The following SLCO4C1 variants were observed in gnomAD, a reference collection of about 807,000 sequenced individuals.
SLCO4C1 encodes solute carrier organic anion transporter family member 4C1.
A neutral mutation model predicts 72.1 loss-of-function variants in SLCO4C1; 58 were observed. The observed-to-expected ratio is 0.80, with a 90% CI of 0.65 to 1.00. The LOEUF is 1.00. Among genes scored for constraint, SLCO4C1 ranks in the 50% least tolerant of loss-of-function variants. The pLI, the probability that SLCO4C1 is intolerant of heterozygous loss-of-function variation, is 0.00. For missense variants in SLCO4C1, 898 were observed against 857.9 expected, an observed-to-expected ratio of 1.05 and a Z score of -0.58; for synonymous variants, 297 against 312.5, an observed-to-expected ratio of 0.95 and a Z score of 0.52.
rs765633464 is a variant in SLCO4C1, at chr5:102,261,889, G to A, written c.1021+23C>T. Reference sequence around the variant, plus strand: ...GCCTACAATTAAAATAAACCTCTCTGGTTTTAAAGAAAGCATGTTTACCTG... The same window carrying A: ...GCCTACAATTAAAATAAACCTCTCTAGTTTTAAAGAAAGCATGTTTACCTG... On this transcript the variant is annotated intron_variant, in intron 5 of 12. Coordinates refer to ENST00000310954, the MANE Select transcript of SLCO4C1 (RefSeq NM_180991.5). 14 of 1,598,774 alleles carry A rather than the reference G, an allele frequency of 8.8e-6. No homozygotes were observed. In the East Asian group the frequency reaches 2.2e-4, roughly 26 times the overall value.
intron 11 of SLCO4C1, 25 bp from the exon 12 acceptor site, chr5:102,239,413 A>G (rs1449305078): frequency 2.0e-6 from 3 of 1,506,146 alleles, no homozygotes; most frequent in Non-Finnish European, 2.7e-6. Flanking sequence ...GGTGAAATAT[A>G]CAACAGTAAA....
chr5:102,253,638 C>G (rs902874469), intron 8 of SLCO4C1, among the ~76,000 whole-genome samples: 6 of 151,964 alleles, frequency 3.9e-5, no homozygotes, highest in Admixed American at 2.0e-4. Flanking sequence ...GAAACCCTGT[C>G]TCTACTAAAA....
chr5:102,290,873 T>A (rs77730790), intron 2 of SLCO4C1, among the ~76,000 whole-genome samples: 3,203 of 152,340 alleles, frequency 0.021, 122 homozygotes, highest in African/African-American at 0.074. Flanking sequence ...TCTGAAGTTC[T>A]ATGTTTCTTA....
At chr5:102,245,592 G>T (rs910893598) in intron 10 of SLCO4C1, among the ~76,000 whole-genome samples, 2 of 152,128 alleles carry the variant, frequency 1.3e-5, no homozygotes, top group Non-Finnish European at 2.9e-5. Flanking sequence ...TACAATAATA[G>T]CTGGAGACTT....
chr5:102,253,635 T>C (rs1165549488), intron 8 of SLCO4C1, among the ~76,000 whole-genome samples: 5 of 151,918 alleles, frequency 3.3e-5, no homozygotes, highest in Non-Finnish European at 7.4e-5. Flanking sequence ...GGTGAAACCC[T>C]GTCTCTACTA....
rs1748984431 is a variant in SLCO4C1, at chr5:102,263,738, T to C, written c.845A>G (p.Tyr282Cys). Residue 282 changes from tyrosine (Y) to cysteine (C), a missense_variant, in exon 4 of 13, where the codon TAT (tyrosine) becomes TGT (cysteine). Physicochemically the swap from Tyr to Cys is radical, Grantham distance 194. Transcript: ENST00000310954. ...AMSILGPAIG[Y>C]VLGGQLLTIY... ...GGTTAGCAGTTGTCCTCCCAATACA[T>C]AGCCAATAGCAGGGCCTAAGATTGA... The C allele has an allele frequency of 3.1e-6, 5 of 1,612,900 alleles. No homozygotes were observed. The highest frequency in any genetic ancestry group is 2.2e-5 in the South Asian group (2 of 91,042).
chr5:102,262,506 T>C lies in SLCO4C1; in HGVS notation c.900-473A>G, dbSNP rs569682922. ...TTATTTCTTTGAAACAGGGTCTCAG[T>C]CTGTCACCCAGGCTGGGGTGCAATT... On this transcript the variant is annotated intron_variant, in intron 4 of 12. Transcript: ENST00000310954. Among the ~76,000 whole-genome samples the C allele has an allele frequency of 3.3e-5, 5 of 152,280 alleles. No homozygotes were observed. In the South Asian group the frequency reaches 1.0e-3, roughly 32 times the overall value.
At chr5:102,286,308 C>T (rs1347848471) in intron 2 of SLCO4C1, among the ~76,000 whole-genome samples, 1 of 152,090 alleles carries the variant, frequency 6.6e-6, no homozygotes, top group Admixed American at 6.6e-5. Flanking sequence ...GGCTAAGTAA[C>T]TACTTTTCTA....
chr5:102,266,964 C>T (rs1490933123), intron 3 of SLCO4C1, among the ~76,000 whole-genome samples: 2 of 152,122 alleles, frequency 1.3e-5, no homozygotes, highest in Non-Finnish European at 2.9e-5. Flanking sequence ...ATTCTTGCAT[C>T]ACTGAGATCA....
chr5:102,238,143 T>G (rs1748472940), intron 12 of SLCO4C1, among the ~76,000 whole-genome samples: 1 of 152,192 alleles, frequency 6.6e-6, no homozygotes, highest in South Asian at 2.1e-4. Flanking sequence ...TTACAACTTT[T>G]TTTATTTGTT....
At chr5:102,267,928 T>C (rs977430217) in intron 3 of SLCO4C1, among the ~76,000 whole-genome samples, 3 of 152,110 alleles carry the variant, frequency 2.0e-5, no homozygotes, top group Non-Finnish European at 2.9e-5. Flanking sequence ...TGATTTCTAG[T>C]TTTTTTTCAC....
At chr5:102,288,581 T>C (rs1041539639) in intron 2 of SLCO4C1, among the ~76,000 whole-genome samples, 2 of 152,146 alleles carry the variant, frequency 1.3e-5, no homozygotes, top group African/African-American at 4.8e-5. Flanking sequence ...TATAAAACTC[T>C]TCCACAACTT....
chr5:102,293,097 TAA>T (rs1053799501), intron 1 of SLCO4C1, among the ~76,000 whole-genome samples: 8 of 152,082 alleles, frequency 5.3e-5, no homozygotes, highest in African/African-American at 1.7e-4. Context: ...ACAAATTTAA[TAA>T]GTTTCAAAAC....
intron 9 of SLCO4C1, 99 bp downstream of exon 9, chr5:102,249,539 A>T: frequency 8.0e-7 from 1 of 1,256,512 alleles, no homozygotes; most frequent in East Asian, 2.4e-5. Flanking sequence ...GCAATGGAGC[A>T]GGAAGGCAAG....
intron 2 of SLCO4C1, among the ~76,000 whole-genome samples, chr5:102,289,981 T>C (rs1014957832): frequency 1.3e-5 from 2 of 152,218 alleles, no homozygotes; most frequent in Non-Finnish European, 2.9e-5. Context: ...TGGGAAAGAT[T>C]AATACTTTAA....
intron 2 of SLCO4C1, among the ~76,000 whole-genome samples, chr5:102,274,874 G>A (rs1341237401): frequency 7.9e-5 from 12 of 152,022 alleles, no homozygotes; most frequent in Admixed American, 2.0e-4. Flanking sequence ...GTTTATAGTT[G>A]ACCACCCCGA....
chr5:102,275,455 C>T (rs1278471382), intron 2 of SLCO4C1, among the ~76,000 whole-genome samples: 1 of 152,166 alleles, frequency 6.6e-6, no homozygotes, highest in Non-Finnish European at 1.5e-5. Flanking sequence ...AGAAATATCA[C>T]TATACTGTAA....
chr5:102,246,132 A>G (rs1748631553), intron 10 of SLCO4C1, among the ~76,000 whole-genome samples: 1 of 151,954 alleles, frequency 6.6e-6, no homozygotes, highest in Non-Finnish European at 1.5e-5. Context: ...TTAGAAAAAC[A>G]AGAAGAAACC....
intron 2 of SLCO4C1, among the ~76,000 whole-genome samples, chr5:102,278,157 T>C (rs1407042765): frequency 1.3e-5 from 2 of 152,022 alleles, no homozygotes; most frequent in East Asian, 3.9e-4. Context: ...AATTTAAAGA[T>C]TGGGGGAAAA....
Sources: allele counts gnomAD v4.1 joint callset (sites outside exome capture counted in the v4.1 genomes callset), GRCh38; gene constraint gnomAD v4.1.1; transcripts MANE v1.5; gene names NCBI Gene and HGNC (gene_info 2026-07-23, HGNC 2026-07-21).